Variants in BMPR1B observed in about 807,000 individuals in gnomAD.
The protein encoded by BMPR1B is bone morphogenetic protein receptor type 1B.
A neutral mutation model predicts 59.1 loss-of-function variants in BMPR1B; 12 were observed. The ratio of observed to expected loss-of-function variants is 0.20; its 90% CI spans 0.13 to 0.33. BMPR1B has a LOEUF of 0.33. Ranked by LOEUF, BMPR1B falls within the 10% of genes least tolerant of loss-of-function variation. The pLI is 1.00. For missense variants in BMPR1B, 550 were observed against 610.9 expected (o/e 0.90, Z 1.05); for synonymous variants, 237 against 207.3 (o/e 1.14, Z -1.23).
intron 2 of BMPR1B, among the ~76,000 whole-genome samples, chr4:94,932,556 A>G (rs998066670): frequency 1.3e-5 from 2 of 152,150 alleles, no homozygotes; most frequent in Non-Finnish European, 2.9e-5. Context: ...CAGAGCTTGT[A>G]AAAATATCCA....
chr4:94,822,942 A>G lies in BMPR1B; in HGVS notation c.-182-52889A>G, dbSNP rs574060973. Among the ~76,000 whole-genome samples, 5 of 152,286 alleles carry G rather than the reference A, an allele frequency of 3.3e-5. No homozygotes were observed. The South Asian group carries it at 1.0e-3, about 32-fold the overall frequency. ...AGTCATGATTGCATTTGAATGGGAAATGATATTCCTAAAATGTGTGCCTTA... is the reference window on the plus strand; with the variant it reads ...AGTCATGATTGCATTTGAATGGGAAGTGATATTCCTAAAATGTGTGCCTTA... On this transcript the variant is annotated intron_variant, in intron 1 of 12. Transcript: ENST00000515059.
At chr4:95,020,268 A>G (rs1306594194) in intron 3 of BMPR1B, among the ~76,000 whole-genome samples, 5 of 152,158 alleles carry the variant, frequency 3.3e-5, no homozygotes, top group Admixed American at 3.3e-4. Context: ...CTTACACTAC[A>G]AGGACAGTCT....
chr4:94,824,481 A>G (rs768172186), intron 1 of BMPR1B, among the ~76,000 whole-genome samples: 3 of 152,216 alleles, frequency 2.0e-5, no homozygotes, highest in Non-Finnish European at 4.4e-5. Context: ...TTTAGCCCCA[A>G]ATGCAGACAC....
intron 2 of BMPR1B, among the ~76,000 whole-genome samples, chr4:94,990,249 G>A (rs867841923): frequency 1.3e-5 from 2 of 152,238 alleles, no homozygotes; most frequent in Middle Eastern, 3.4e-3. Context: ...CAGCTACGTG[G>A]GAGGCTGAGG....
At position 95,058,819 on chromosome 4, in the gene BMPR1B, A is replaced by G. The variant is rs866264145; in HGVS notation, c.-17-45589A>G. ...ATTCAAATCAGTATTTCAAATCACTATTTTTTTCAGATCTGAAGAAATTAA... is the reference window on the plus strand; with the variant it reads ...ATTCAAATCAGTATTTCAAATCACTGTTTTTTTCAGATCTGAAGAAATTAA... On this transcript the variant is annotated intron_variant, in intron 3 of 12. Transcript: ENST00000515059. Among the ~76,000 whole-genome samples, 72 of 152,244 alleles carry G rather than the reference A, an allele frequency of 4.7e-4. 1 individual carries two copies. Among genetic ancestry groups the G allele is most frequent in the African/African-American group, 1.7e-3 (70 of 41,546 alleles).
intron 1 of BMPR1B, among the ~76,000 whole-genome samples, chr4:94,868,006 T>A (rs981858905): frequency 1.4e-4 from 20 of 144,554 alleles, no homozygotes; most frequent in Admixed American, 4.9e-4. Flanking sequence ...CCACCGTGCC[T>A]GTGCCCCGCT....
rs1213587044 is a variant in BMPR1B, at chr4:94,840,508, TC to T, written c.-182-35322del. ...AACTTCCCTTCTCGCTTCATTTCAT[TC>T]ATTTCACCTTCCATTGCTGATACCC... On this transcript the variant is annotated intron_variant, in intron 1 of 12. Transcript: ENST00000515059. Among the ~76,000 whole-genome samples, 3 of 147,016 alleles carry T rather than the reference TC, an allele frequency of 2.0e-5. 1 individual carries two copies. Among genetic ancestry groups the T allele is most frequent in the Non-Finnish European group, 4.5e-5 (3 of 66,172 alleles).
chr4:94,833,644 G>T (rs1050880600), intron 1 of BMPR1B, among the ~76,000 whole-genome samples: 1 of 152,068 alleles, frequency 6.6e-6, no homozygotes, highest in African/African-American at 2.4e-5. Flanking sequence ...TCCTTCCCCT[G>T]CCTAAGTTCA....
chr4:95,044,099 C>T (rs2149177060), intron 3 of BMPR1B, among the ~76,000 whole-genome samples: 1 of 152,290 alleles, frequency 6.6e-6, no homozygotes, highest in Non-Finnish European at 1.5e-5. Flanking sequence ...TAGGAATCTG[C>T]TAAAGCCATT....
At chr4:94,991,671 G>T (rs535028969) in intron 2 of BMPR1B, among the ~76,000 whole-genome samples, 54 of 152,246 alleles carry the variant, frequency 3.5e-4, no homozygotes, top group African/African-American at 1.2e-3. Context: ...AGAAACTGAG[G>T]GGGTCCCTAG....
intron 1 of BMPR1B, among the ~76,000 whole-genome samples, chr4:94,784,875 T>G (rs1722706698): frequency 6.6e-6 from 1 of 152,162 alleles, no homozygotes; most frequent in Non-Finnish European, 1.5e-5. Context: ...AGCCTCCTCT[T>G]TGGTACAGCC....
intron 2 of BMPR1B, among the ~76,000 whole-genome samples, chr4:94,882,101 G>T (rs1726996043): frequency 6.6e-6 from 1 of 152,034 alleles, no homozygotes; most frequent in African/African-American, 2.4e-5. Flanking sequence ...GCATGAAAAA[G>T]GTTCCTATGC....
rs75302946 is a variant in BMPR1B, at chr4:94,863,250, T to A, written c.-182-12581T>A. Among the ~76,000 whole-genome samples the A allele has an allele frequency of 9.2e-3, 1,403 of 152,274 alleles. 15 individuals carry two copies. Among genetic ancestry groups the A allele is most frequent in the African/African-American group, 0.032 (1,345 of 41,540 alleles). ...CTACCTATGCTTATTACCTGGGTGATGAAATAAAACGTACACCAAACCCTA... is the reference window on the plus strand; with the variant it reads ...CTACCTATGCTTATTACCTGGGTGAAGAAATAAAACGTACACCAAACCCTA... On this transcript the variant is annotated intron_variant, in intron 1 of 12. Coordinates refer to ENST00000515059, the MANE Select transcript of BMPR1B (RefSeq NM_001203.3).
intron 2 of BMPR1B, among the ~76,000 whole-genome samples, chr4:94,962,818 T>C (rs1055672645): frequency 6.6e-6 from 1 of 152,190 alleles, no homozygotes; most frequent in African/African-American, 2.4e-5. Flanking sequence ...CTAATTTCTT[T>C]TATTTTGGAT....
intron 3 of BMPR1B, among the ~76,000 whole-genome samples, chr4:95,028,163 G>A (rs1272498920): frequency 1.3e-5 from 2 of 152,042 alleles, no homozygotes; most frequent in African/African-American, 4.8e-5. Flanking sequence ...TTTGCTAATT[G>A]GCATCTCCCA....
At chr4:95,146,047 G>A (rs1734618172) in intron 10 of BMPR1B, among the ~76,000 whole-genome samples, 1 of 152,204 alleles carries the variant, frequency 6.6e-6, no homozygotes, top group Admixed American at 6.5e-5. Context: ...GAGAAGGATT[G>A]GGGCTATGCT....
At chr4:94,868,283 C>A (rs537620642) in intron 1 of BMPR1B, among the ~76,000 whole-genome samples, 2 of 152,218 alleles carry the variant, frequency 1.3e-5, no homozygotes, top group South Asian at 4.2e-4. Context: ...ATTCTCCTGC[C>A]TCAGCCTCCC....
intron 1 of BMPR1B, among the ~76,000 whole-genome samples, chr4:94,862,907 T>C (rs1430095453): frequency 1.4e-5 from 2 of 144,124 alleles, no homozygotes; most frequent in Non-Finnish European, 3.0e-5. Context: ...ATCGCGCCTC[T>C]GCACTCCAGC....
chr4:94,762,173 T>C (rs185464384), intron 1 of BMPR1B, among the ~76,000 whole-genome samples: 1 of 152,294 alleles, frequency 6.6e-6, no homozygotes, highest in Non-Finnish European at 1.5e-5. Context: ...TCATTTTTAC[T>C]TAAATGTTTG....
Sources: allele counts gnomAD v4.1 joint callset (sites outside exome capture counted in the v4.1 genomes callset), GRCh38; gene constraint gnomAD v4.1.1; transcripts MANE v1.5; gene names NCBI Gene and HGNC (gene_info 2026-07-23, HGNC 2026-07-21).